Variants in LRP1B observed in about 807,000 individuals in gnomAD.
LRP1B encodes the protein low-density lipoprotein receptor-related protein 1B.
Under a neutral mutation model 556.6 loss-of-function variants are expected in LRP1B, and 217 were observed. That is an observed-to-expected ratio of 0.39 (90% CI 0.35 to 0.44). LRP1B has a LOEUF of 0.44. Among genes scored for constraint, LRP1B ranks in the 20% least tolerant of loss-of-function variants. The pLI is 1.00. For synonymous variants in LRP1B, 2,047 were observed against 1,865.8 expected, an observed-to-expected ratio of 1.10 and a Z score of -2.50; for missense variants, 5,053 against 5,620.8, an observed-to-expected ratio of 0.90 and a Z score of 3.23.
At chr2:141,891,360 T>C (rs1699285602) in intron 1 of LRP1B, among the ~76,000 whole-genome samples, 1 of 152,160 alleles carries the variant, frequency 6.6e-6, no homozygotes, top group African/African-American at 2.4e-5. Flanking sequence ...AAGAAAAATA[T>C]GCTCCTTATC....
At chr2:141,821,478 C>A (rs1422301979) in intron 1 of LRP1B, among the ~76,000 whole-genome samples, 1 of 152,102 alleles carries the variant, frequency 6.6e-6, no homozygotes, top group East Asian at 1.9e-4. Flanking sequence ...TACACTGGCA[C>A]AGGATGAAGG....
At chr2:140,242,946 AAG>A (rs1179718989) in intron 87 of LRP1B, among the ~76,000 whole-genome samples, 2 of 151,116 alleles carry the variant, frequency 1.3e-5, no homozygotes, top group Non-Finnish European at 3.0e-5. Context: ...CAACTTAGGA[AAG>A]AGAGAGAAGT....
At chr2:142,117,797 A>G (rs145308082) in intron 1 of LRP1B, among the ~76,000 whole-genome samples, 18 of 152,304 alleles carry the variant, frequency 1.2e-4, no homozygotes, top group Admixed American at 9.2e-4. Context: ...CAAGTTGAAT[A>G]TCAGCTGCCC....
chr2:140,374,685 A>G (rs1349844248), intron 68 of LRP1B, among the ~76,000 whole-genome samples: 1 of 152,154 alleles, frequency 6.6e-6, no homozygotes, highest in African/African-American at 2.4e-5. Context: ...GCAAATATAG[A>G]AAACAAATGT....
intron 2 of LRP1B, among the ~76,000 whole-genome samples, chr2:141,723,865 T>C (rs1003397381): frequency 1.3e-5 from 2 of 151,738 alleles, no homozygotes; most frequent in Non-Finnish European, 2.9e-5. Flanking sequence ...AGGAAAAATA[T>C]ATATATATAT....
intron 2 of LRP1B, among the ~76,000 whole-genome samples, chr2:141,661,309 C>T (rs1381487193): frequency 3.9e-5 from 6 of 152,152 alleles, no homozygotes; most frequent in East Asian, 1.9e-4. Flanking sequence ...GCAATGGCAC[C>T]GGATTGGGCT....
At chr2:141,986,180 C>T (rs1291519198) in intron 1 of LRP1B, among the ~76,000 whole-genome samples, 1 of 151,842 alleles carries the variant, frequency 6.6e-6, no homozygotes, top group Non-Finnish European at 1.5e-5. Context: ...TCTGGAAATG[C>T]ATAGTGATGT....
chr2:141,284,553 G>A (rs140209002), intron 3 of LRP1B, among the ~76,000 whole-genome samples: 25 of 152,232 alleles, frequency 1.6e-4, no homozygotes, highest in African/African-American at 5.8e-4. Flanking sequence ...AAATTCCCAC[G>A]CACAAAGCGT....
At chr2:141,238,500 T>C (rs1012022204) in intron 5 of LRP1B, among the ~76,000 whole-genome samples, 12 of 152,138 alleles carry the variant, frequency 7.9e-5, no homozygotes, top group Admixed American at 7.9e-4. Flanking sequence ...CAAATACTTA[T>C]TGAGCCTGGC....
At chr2:142,051,811 G>A (rs777081439) in intron 1 of LRP1B, among the ~76,000 whole-genome samples, 6 of 152,166 alleles carry the variant, frequency 3.9e-5, no homozygotes, top group South Asian at 4.1e-4. Context: ...AAAAATGCAC[G>A]CTGGATTTCT....
intron 2 of LRP1B, among the ~76,000 whole-genome samples, chr2:141,692,253 A>G (rs1691562896): frequency 6.6e-6 from 1 of 152,054 alleles, no homozygotes; most frequent in African/African-American, 2.4e-5. Context: ...TCAGGATAGA[A>G]TAAGTATCTA....
intron 6 of LRP1B, among the ~76,000 whole-genome samples, chr2:141,202,451 C>G (rs1240912173): frequency 6.6e-6 from 1 of 152,084 alleles, no homozygotes; most frequent in Non-Finnish European, 1.5e-5. Context: ...ATTGCTGGGT[C>G]GAATGGTAGT....
chr2:141,019,457 G>A (rs1698003525), intron 12 of LRP1B, among the ~76,000 whole-genome samples: 1 of 152,038 alleles, frequency 6.6e-6, no homozygotes, highest in Non-Finnish European at 1.5e-5. Context: ...GATAAGAATA[G>A]CAACGAATTC....
intron 16 of LRP1B, among the ~76,000 whole-genome samples, chr2:140,990,259 A>G (rs1242523869): frequency 4.6e-5 from 7 of 152,042 alleles, no homozygotes. Flanking sequence ...CCTTAAACCA[A>G]CTGGAGACTT....
In LRP1B at chr2:141,524,263, A is replaced by AAT. The variant is rs76874852; in HGVS notation, c.206-43732_206-43731dup. Among the ~76,000 whole-genome samples the AAT allele has an allele frequency of 8.0e-3, 1,183 of 148,100 alleles. 15 individuals are homozygous for AAT. Among genetic ancestry groups the AAT allele is most frequent in the Admixed American group, 0.015 (218 of 14,884 alleles). On this transcript the variant is annotated intron_variant, in intron 2 of 90. Coordinates refer to ENST00000389484, the MANE Select transcript of LRP1B (RefSeq NM_018557.3). ...CTGCCTGTGAAAGCTATAAGCAAAG[A>AAT]ATATATATATATATATAAAACTCAA...
intron 21 of LRP1B, among the ~76,000 whole-genome samples, chr2:140,914,022 C>T (rs763988985): frequency 2.0e-5 from 3 of 152,032 alleles, no homozygotes; most frequent in Admixed American, 6.6e-5. Context: ...ATTCAAGAAG[C>T]GTTTCTTAAT....
At chr2:142,003,014 A>G (rs887911288) in intron 1 of LRP1B, among the ~76,000 whole-genome samples, 5 of 152,236 alleles carry the variant, frequency 3.3e-5, no homozygotes, top group Non-Finnish European at 7.3e-5. Context: ...GCAAGTGATA[A>G]ACGTTTTAGT....
At chr2:141,723,635 G>T (rs1692923374) in intron 2 of LRP1B, among the ~76,000 whole-genome samples, 1 of 151,660 alleles carries the variant, frequency 6.6e-6, no homozygotes, top group South Asian at 2.1e-4. Context: ...CCTTGCCTTT[G>T]TTTATTATTT....
At chr2:142,009,164 T>C (rs1178261473) in intron 1 of LRP1B, among the ~76,000 whole-genome samples, 1 of 152,164 alleles carries the variant, frequency 6.6e-6, no homozygotes, top group African/African-American at 2.4e-5. Flanking sequence ...TCAGCATCTC[T>C]CAAGTCATGA....
Sources: gnomAD v4.1 joint callset for allele counts (sites outside exome capture counted in the v4.1 genomes callset) on GRCh38, gnomAD v4.1.1 for gene constraint, MANE v1.5 for transcripts, NCBI Gene and HGNC (gene_info 2026-07-23, HGNC 2026-07-21) for gene names.